SCYL2: variants seen among roughly 807,000 people sequenced by gnomAD.
The protein encoded by SCYL2 is SCY1 like pseudokinase 2, also known as SCY1-like protein 2.
A neutral mutation model predicts 100.4 loss-of-function variants in SCYL2; 36 were observed. That is an observed-to-expected ratio of 0.36 (90% CI 0.27 to 0.47). The LOEUF is 0.47. Among genes scored for constraint, SCYL2 ranks in the 20% least tolerant of loss-of-function variants. SCYL2 has a pLI of 1.00. For synonymous variants in SCYL2, 330 were observed against 359.2 expected (o/e 0.92, Z 0.92); for missense variants, 902 against 1,083.9 (o/e 0.83, Z 2.36).
chr12:100,285,977 C>T (rs1273846972), intron 2 of SCYL2, among the ~76,000 whole-genome samples: 1 of 151,896 alleles, frequency 6.6e-6, no homozygotes, highest in Non-Finnish European at 1.5e-5. Flanking sequence ...AAATGTTTAC[C>T]GTATACATAC....
intron 4 of SCYL2, among the ~76,000 whole-genome samples, chr12:100,303,071 G>A (rs923518238): frequency 9.9e-5 from 15 of 151,930 alleles, no homozygotes; most frequent in Admixed American, 3.9e-4. Flanking sequence ...TATGCTTCAC[G>A]AAGTTCTCAT....
chr12:100,320,685 C>T (rs1311220364), intron 10 of SCYL2, among the ~76,000 whole-genome samples: 1 of 152,134 alleles, frequency 6.6e-6, no homozygotes, highest in Non-Finnish European at 1.5e-5. Flanking sequence ...CTCTTTGTAA[C>T]CTCCTGCTAT....
At chr12:100,319,014 A>G (rs1277180366) in intron 10 of SCYL2, among the ~76,000 whole-genome samples, 1 of 152,214 alleles carries the variant, frequency 6.6e-6, no homozygotes, top group African/African-American at 2.4e-5. Flanking sequence ...TCACTGCAGG[A>G]TGGTTTTGTA....
chr12:100,326,510 A>G (rs1294739897), intron 11 of SCYL2, 112 bp from the exon 12 acceptor site: 4 of 725,300 alleles, frequency 5.5e-6, no homozygotes, highest in Admixed American at 3.5e-5. Flanking sequence ...CTAAATCTAC[A>G]TTTATTCTTG....
rs781372448 is a variant in SCYL2, at chr12:100,338,687, T to A, written c.2305T>A (p.Leu769Met). 1 of 1,614,080 alleles carries A rather than the reference T, an allele frequency of 6.2e-7. No individual in the cohort carries two copies. Among genetic ancestry groups the A allele is most frequent in the Middle Eastern group, 1.7e-4 (1 of 6,022 alleles). The change falls in exon 18 of 18, where the codon TTG becomes ATG. Residue 769 changes from leucine (L) to methionine (M), a missense_variant. Physicochemically the swap from Leu to Met is conservative, Grantham distance 15. Transcript: ENST00000360820. ...STPTDNTKRN[L>M]TNGLNANMGF... Reference sequence around the variant, plus strand: ...ACCAACTGATAATACAAAGAGAAATTTGACAAATGGCCTAAATGCCAATAT... The same window carrying A: ...ACCAACTGATAATACAAAGAGAAATATGACAAATGGCCTAAATGCCAATAT...
At chr12:100,307,405 A>G (rs530277511) in intron 4 of SCYL2, among the ~76,000 whole-genome samples, 10 of 152,330 alleles carry the variant, frequency 6.6e-5, no homozygotes, top group East Asian at 5.8e-4. Flanking sequence ...AGGATTTCCT[A>G]TTTAATGAAT....
chr12:100,306,753 G>A (rs1021782991), intron 4 of SCYL2, among the ~76,000 whole-genome samples: 9 of 152,158 alleles, frequency 5.9e-5, no homozygotes, highest in African/African-American at 1.9e-4. Context: ...ACACTCCATC[G>A]TCTCAGCTCA....
At chr12:100,312,298 G>T in intron 5 of SCYL2, 134 bp from the exon 6 acceptor site, 1 of 689,562 alleles carries the variant, frequency 1.5e-6, no homozygotes, top group Non-Finnish European at 2.5e-6. Context: ...TGGGAATTTG[G>T]GAATTTTGGG....
At chr12:100,322,258 A>C (rs1421279519) in intron 10 of SCYL2, among the ~76,000 whole-genome samples, 1 of 148,106 alleles carries the variant, frequency 6.8e-6, no homozygotes, top group East Asian at 2.0e-4. Context: ...CTGTAGTCCC[A>C]GCTACGCGGG....
intron 4 of SCYL2, among the ~76,000 whole-genome samples, chr12:100,303,031 G>A (rs894215182): frequency 2.0e-5 from 3 of 151,620 alleles, no homozygotes; most frequent in African/African-American, 4.9e-5. Context: ...CCTTTCTTCC[G>A]CTTGATCGAT....
chr12:100,328,727 A>C (rs1222070584), intron 12 of SCYL2, among the ~76,000 whole-genome samples: 2 of 152,220 alleles, frequency 1.3e-5, no homozygotes, highest in Non-Finnish European at 2.9e-5. Context: ...GTGGAATTGA[A>C]TTCAGTTATT....
At chr12:100,331,210 T>C (rs1431123723) in intron 13 of SCYL2, among the ~76,000 whole-genome samples, 1 of 152,138 alleles carries the variant, frequency 6.6e-6, no homozygotes, top group Admixed American at 6.5e-5. Flanking sequence ...AGGGAGACAG[T>C]GAGTATTGGG....
chr12:100,270,814 A>G (rs1332430566), intron 1 of SCYL2, among the ~76,000 whole-genome samples: 1 of 151,676 alleles, frequency 6.6e-6, no homozygotes, highest in Non-Finnish European at 1.5e-5. Context: ...AGTGGTCTTA[A>G]AATTTGTGAC....
chr12:100,304,363 T>C (rs2096331444), intron 4 of SCYL2, among the ~76,000 whole-genome samples: 1 of 151,964 alleles, frequency 6.6e-6, no homozygotes, highest in Admixed American at 6.5e-5. Context: ...GTTTTGTGCT[T>C]GAAACCCAGG....
intron 4 of SCYL2, among the ~76,000 whole-genome samples, chr12:100,310,757 A>G (rs1214003204): frequency 2.6e-5 from 4 of 152,216 alleles, no homozygotes; most frequent in Admixed American, 6.5e-5. Flanking sequence ...ATAAATTTGG[A>G]CATCAAAGGA....
At chr12:100,286,725 A>C (rs1446689991) in intron 2 of SCYL2, among the ~76,000 whole-genome samples, 1 of 152,028 alleles carries the variant, frequency 6.6e-6, no homozygotes, top group African/African-American at 2.4e-5. Flanking sequence ...TGTTATCCAG[A>C]TGCCAGTATT....
intron 9 of SCYL2, 40 bp downstream of exon 9, chr12:100,315,774 T>C: frequency 7.6e-7 from 1 of 1,320,930 alleles, no homozygotes; most frequent in Non-Finnish European, 1.0e-6. Flanking sequence ...CTACTGTTAT[T>C]TATGATTGTG....
At chr12:100,332,723 T>G (rs926788627) in intron 13 of SCYL2, among the ~76,000 whole-genome samples, 3 of 151,382 alleles carry the variant, frequency 2.0e-5, no homozygotes, top group Non-Finnish European at 4.4e-5. Context: ...TTTTTGTTTT[T>G]TTTTTTTTTG....
chr12:100,282,932 T>G lies in SCYL2; in HGVS notation c.-28-11T>G. ...AATGATCAGTTCTCCACTATCCTTC[T>G]GTTTTTCTAGGTAACTATAACTACC... On this transcript the variant is annotated splice_polypyrimidine_tract_variant and intron_variant, in intron 1 of 17. Coordinates refer to ENST00000360820, the MANE Select transcript of SCYL2 (RefSeq NM_017988.6). 1 of 1,352,514 alleles carries G rather than the reference T, an allele frequency of 7.4e-7. No individual in the cohort carries two copies. Among genetic ancestry groups the G allele is most frequent in the Non-Finnish European group, 1.0e-6 (1 of 975,284 alleles). The allele number at this position is 1,352,514 out of a possible 1,614,324, so 83.8% of individuals were successfully genotyped here. A position where few individuals can be genotyped will look rare whatever the true frequency, so the allele number is the denominator to read the frequency against.
Sources: gnomAD v4.1 joint callset for allele counts (sites outside exome capture counted in the v4.1 genomes callset) on GRCh38, gnomAD v4.1.1 for gene constraint, MANE v1.5 for transcripts, NCBI Gene and HGNC (gene_info 2026-07-23, HGNC 2026-07-21) for gene names.